The following FTO variants were observed in gnomAD, a reference collection of about 807,000 sequenced individuals.
FTO encodes FTO alpha-ketoglutarate dependent dioxygenase.
In FTO, 47 loss-of-function variants were observed where a neutral mutation model predicts 63.9. The ratio of observed to expected loss-of-function variants is 0.74; its 90% CI spans 0.58 to 0.94. FTO has a LOEUF of 0.94. Ranked by LOEUF, FTO falls within the 40% of genes least tolerant of loss-of-function variation. FTO has a pLI of 0.00. For synonymous variants in FTO, 207 were observed against 224.4 expected (o/e 0.92, Z 0.69); for missense variants, 562 against 618.1 (o/e 0.91, Z 0.96).
chr16:53,747,204 A>G (rs1301556741), intron 1 of FTO, among the ~76,000 whole-genome samples: 2 of 152,186 alleles, frequency 1.3e-5, no homozygotes, highest in African/African-American at 4.8e-5. Flanking sequence ...AATTTCAAGT[A>G]TCCTGGGTAA....
At chr16:53,705,781 T>C (rs927967344) in intron 1 of FTO, among the ~76,000 whole-genome samples, 4 of 152,364 alleles carry the variant, frequency 2.6e-5, no homozygotes, top group Admixed American at 2.6e-4. Context: ...GTGCATGATG[T>C]CTTTCTCATC....
At chr16:53,738,288 T>A (rs772284376) in intron 1 of FTO, among the ~76,000 whole-genome samples, 31 of 152,132 alleles carry the variant, frequency 2.0e-4, no homozygotes, top group Non-Finnish European at 4.1e-4. Context: ...TCCCAAAGTG[T>A]TGGGATTACA....
intron 2 of FTO, among the ~76,000 whole-genome samples, chr16:53,820,070 G>A (rs1044057827): frequency 6.0e-5 from 9 of 149,246 alleles, no homozygotes; most frequent in Non-Finnish European, 4.4e-5. Context: ...GTGCAGTGGT[G>A]TGATCTCGGC....
intron 8 of FTO, among the ~76,000 whole-genome samples, chr16:53,995,120 A>G (rs1405755161): frequency 6.6e-6 from 1 of 152,202 alleles, no homozygotes; most frequent in African/African-American, 2.4e-5. Flanking sequence ...CGAATTGCCC[A>G]CACCCCAGAC....
At chr16:53,795,173 ATAAACT>A (rs1338052218) in intron 1 of FTO, among the ~76,000 whole-genome samples, 1 of 152,218 alleles carries the variant, frequency 6.6e-6, no homozygotes, top group Non-Finnish European at 1.5e-5. Flanking sequence ...CATAGAAATA[ATAAACT>A]TAATAGAGGG....
chr16:53,844,755 A>G (rs2079572876), intron 4 of FTO, among the ~76,000 whole-genome samples: 2 of 134,886 alleles, frequency 1.5e-5, no homozygotes, highest in African/African-American at 2.7e-5. Context: ...GCCCGGCCCA[A>G]TTAAAAGTTG....
intron 8 of FTO, among the ~76,000 whole-genome samples, chr16:54,057,444 T>C (rs1208147662): frequency 6.6e-6 from 1 of 152,216 alleles, no homozygotes; most frequent in Non-Finnish European, 1.5e-5. Flanking sequence ...CCTATGGATG[T>C]CTTCATTAGA....
intron 2 of FTO, among the ~76,000 whole-genome samples, chr16:53,820,099 C>T (rs551272328): frequency 5.6e-4 from 84 of 150,026 alleles, no homozygotes; most frequent in African/African-American, 1.9e-3. Flanking sequence ...ACCTCTACCT[C>T]CCGGGTTCAG....
intron 3 of FTO, among the ~76,000 whole-genome samples, chr16:53,838,920 A>G (rs968978724): frequency 1.3e-5 from 2 of 152,172 alleles, no homozygotes; most frequent in African/African-American, 4.8e-5. Context: ...CTTGACATAC[A>G]CTATTATGTA....
intron 4 of FTO, among the ~76,000 whole-genome samples, chr16:53,859,588 T>C (rs2080111831): frequency 1.3e-5 from 2 of 150,624 alleles, no homozygotes; most frequent in Admixed American, 1.3e-4. Context: ...TAAAACTCAA[T>C]AGCAGGTTAA....
chr16:53,956,480 G>A (rs1411309413), intron 8 of FTO, among the ~76,000 whole-genome samples: 101 of 152,182 alleles, frequency 6.6e-4, no homozygotes, highest in Non-Finnish European at 2.9e-5. Flanking sequence ...AGGAAAATTA[G>A]TGGAAGAAGT....
chr16:54,060,429 T>C (rs1418552403), intron 8 of FTO, among the ~76,000 whole-genome samples: 2 of 152,228 alleles, frequency 1.3e-5, no homozygotes, highest in Non-Finnish European at 2.9e-5. Flanking sequence ...ATATACAGAT[T>C]ACCTCATTTA....
intron 3 of FTO, among the ~76,000 whole-genome samples, chr16:53,841,861 A>G (rs2079487517): frequency 6.6e-6 from 1 of 152,186 alleles, no homozygotes; most frequent in South Asian, 2.1e-4. Flanking sequence ...ACCCTCTGCC[A>G]GTCTAAACAC....
intron 1 of FTO, among the ~76,000 whole-genome samples, chr16:53,802,480 A>G (rs565776376): frequency 6.6e-6 from 1 of 152,098 alleles, no homozygotes; most frequent in South Asian, 2.1e-4. Context: ...TGCTTTTAAG[A>G]CTTTATCTTT....
intron 6 of FTO, among the ~76,000 whole-genome samples, chr16:53,883,729 A>G (rs1476697181): frequency 6.6e-6 from 1 of 151,754 alleles, no homozygotes; most frequent in African/African-American, 2.4e-5. Context: ...GTACTGTATC[A>G]GAAACCTCGG....
At chr16:54,071,000 G>C (rs1436614575) in intron 8 of FTO, 2 of 152,204 alleles carry the variant, frequency 1.3e-5, no homozygotes, top group Non-Finnish European at 2.9e-5. Context: ...GTGAACAAAA[G>C]CACAGATTGT....
intron 6 of FTO, among the ~76,000 whole-genome samples, chr16:53,884,256 T>C (rs1190616381): frequency 1.3e-5 from 2 of 152,252 alleles, no homozygotes; most frequent in Non-Finnish European, 2.9e-5. Flanking sequence ...TCTTCCATGT[T>C]ATTAAATGGC....
At chr16:53,725,445 T>C (rs1054708532) in intron 1 of FTO, among the ~76,000 whole-genome samples, 4 of 152,248 alleles carry the variant, frequency 2.6e-5, no homozygotes, top group African/African-American at 9.6e-5. Context: ...GAGTGTGTAC[T>C]TATGGCTTGG....
chr16:54,077,402 A>C (rs748021327), intron 8 of FTO, among the ~76,000 whole-genome samples: 1 of 152,110 alleles, frequency 6.6e-6, no homozygotes, highest in Non-Finnish European at 1.5e-5. Flanking sequence ...TATATTTTTT[A>C]GCTGGTATTG....
Sources: gnomAD v4.1 joint callset for allele counts (sites outside exome capture counted in the v4.1 genomes callset) on GRCh38, gnomAD v4.1.1 for gene constraint, MANE v1.5 for transcripts, NCBI Gene and HGNC (gene_info 2026-07-23, HGNC 2026-07-21) for gene names.